INO80D: variants seen among roughly 807,000 people sequenced by gnomAD.
The protein encoded by INO80D is INO80 complex subunit D.
Under a neutral mutation model 87.6 loss-of-function variants are expected in INO80D, and 21 were observed. The observed-to-expected ratio is 0.24, with a 90% confidence interval of 0.17 to 0.35. The LOEUF (loss-of-function observed/expected upper bound fraction) is 0.35, where lower values mean the gene tolerates loss of function less well. Ranked by LOEUF, INO80D falls within the 10% of genes least tolerant of loss-of-function variation. The pLI, the probability that INO80D is intolerant of heterozygous loss-of-function variation, is 1.00. For missense variants in INO80D, 982 were observed against 1,280.7 expected, an observed-to-expected ratio of 0.77 and a Z score of 3.56; for synonymous variants, 440 against 491.0, an observed-to-expected ratio of 0.90 and a Z score of 1.37.
intron 5 of INO80D, among the ~76,000 whole-genome samples, chr2:206,032,960 A>G (rs1409824098): frequency 2.6e-5 from 4 of 152,242 alleles, no homozygotes; most frequent in African/African-American, 9.6e-5. Context: ...AAAGAGCACA[A>G]TGAAAGCAAC....
chr2:206,082,685 G>A (rs1690317012), intron 1 of INO80D, among the ~76,000 whole-genome samples: 1 of 152,194 alleles, frequency 6.6e-6, no homozygotes, highest in African/African-American at 2.4e-5. Flanking sequence ...AAAAGTGTCT[G>A]AGAATATTGC....
chr2:206,072,710 A>C (rs867398162), intron 1 of INO80D, among the ~76,000 whole-genome samples: 4 of 152,316 alleles, frequency 2.6e-5, no homozygotes, highest in Middle Eastern at 3.4e-3. Flanking sequence ...GCTATCATTA[A>C]CCACAAATAT....
chr2:206,056,676 T>G lies in INO80D; in HGVS notation c.486A>C (p.Lys162Asn). Reference protein sequence around the residue: ...AFNEEDDDLKKGATVRKKLQS... With the variant: ...AFNEEDDDLKNGATVRKKLQS... ...GCAACTTCTTTCTCACAGTTGCCCC[T>G]TTCTTTAGGTCATCATCTTCCTCAT... Residue 162 changes from lysine to asparagine, a missense_variant, in exon 4 of 11, where the codon AAA becomes AAC. Lys to Asn is a moderately conservative substitution (Grantham distance 94). Coordinates refer to ENST00000403263, the MANE Select transcript of INO80D (RefSeq NM_017759.5). 4 of 1,613,478 alleles carry G rather than the reference T, an allele frequency of 2.5e-6. No individual in the cohort carries two copies. Among genetic ancestry groups the G allele is most frequent in the Non-Finnish European group, 3.4e-6 (4 of 1,179,696 alleles).
At chr2:206,012,145 G>A (rs960590861) in intron 8 of INO80D, among the ~76,000 whole-genome samples, 2 of 152,128 alleles carry the variant, frequency 1.3e-5, no homozygotes, top group Non-Finnish European at 2.9e-5. Context: ...TAGTCTAAAG[G>A]GCCTGCTCTA....
At chr2:206,074,876 T>A (rs1690068870) in intron 1 of INO80D, among the ~76,000 whole-genome samples, 1 of 151,794 alleles carries the variant, frequency 6.6e-6, no homozygotes, top group Non-Finnish European at 1.5e-5. Context: ...GAGGCAGAGG[T>A]TGCTGTGAGC....
In INO80D at chr2:206,002,616, GC is replaced by G; in HGVS notation, c.*1751del. On this transcript the variant is annotated 3_prime_UTR_variant, in exon 11 of 11. Coordinates refer to ENST00000403263, the MANE Select transcript of INO80D (RefSeq NM_017759.5). ...GGCACGTGGTATCTGCATAATGCCTGCTGATCACCATCATTCCTTTAAAAAG... is the reference window on the plus strand; with the variant it reads ...GGCACGTGGTATCTGCATAATGCCTGTGATCACCATCATTCCTTTAAAAAG... The G allele has an allele frequency of 6.6e-6, 1 of 152,258 alleles. No homozygotes were observed. The highest frequency in any genetic ancestry group is 1.9e-4 in the East Asian group (1 of 5,184). 9.4% of individuals were successfully genotyped at this position (152,258 alleles called of 1,614,324 possible).
chr2:206,030,616 G>A (rs1406024079), intron 5 of INO80D, among the ~76,000 whole-genome samples: 3 of 152,344 alleles, frequency 2.0e-5, no homozygotes, highest in East Asian at 3.9e-4. Flanking sequence ...CAGCAAGAAT[G>A]TAAGTAGCTT....
chr2:206,004,339 C>T lies in INO80D; in HGVS notation c.*29G>A. 1 of 1,550,676 alleles carries T rather than the reference C, an allele frequency of 6.4e-7. No homozygotes were observed. Among genetic ancestry groups the T allele is most frequent in the Non-Finnish European group, 8.8e-7 (1 of 1,142,288 alleles). ...AACAAAGATAGAAAACACTGGGTTC[C>T]CCACCTGCCTGCAAACACACAGACA... On this transcript the variant is annotated 3_prime_UTR_variant, in exon 11 of 11. Coordinates refer to ENST00000403263, the MANE Select transcript of INO80D (RefSeq NM_017759.5). The surrounding 1 kb of genome is among the most constrained non-coding windows in gnomAD (Gnocchi z 4.9).
chr2:206,036,502 T>A (rs1688899499), intron 5 of INO80D, among the ~76,000 whole-genome samples: 1 of 152,162 alleles, frequency 6.6e-6, no homozygotes, highest in East Asian at 1.9e-4. Flanking sequence ...AAACATCCTA[T>A]GTTCTCACTG....
At position 206,071,257 on chromosome 2, in the gene INO80D, CTTTTTTTTTTTTTTTTTTTT is replaced by C. The variant is rs60979396; in HGVS notation, c.-123-8033_-123-8014del. ...TACAGGCATAAGCACCACGCCCGGCCTTTTTTTTTTTTTTTTTTTTTTTTTTTTTTTTTTTTTTTTTTTTT... is the reference window on the plus strand; with the variant it reads ...TACAGGCATAAGCACCACGCCCGGCCTTTTTTTTTTTTTTTTTTTTTTTTT... On this transcript the variant is annotated intron_variant, in intron 1 of 10. Coordinates refer to ENST00000403263, the MANE Select transcript of INO80D (RefSeq NM_017759.5). Among the ~76,000 whole-genome samples the C allele has an allele frequency of 7.3e-5, 6 of 82,010 alleles. 1 individual carries two copies. Among genetic ancestry groups the C allele is most frequent in the South Asian group, 4.4e-4 (1 of 2,280 alleles). The allele number at this position is 82,010 out of a possible 152,430, so 53.8% of individuals were successfully genotyped here.
chr2:206,006,355 G>T (rs2105795803), intron 10 of INO80D, among the ~76,000 whole-genome samples: 1 of 152,208 alleles, frequency 6.6e-6, no homozygotes, highest in East Asian at 1.9e-4. Context: ...TACAGGGTGG[G>T]GTATAAAACT....
chr2:206,071,434 T>C (rs902540705), intron 1 of INO80D, among the ~76,000 whole-genome samples: 7 of 147,020 alleles, frequency 4.8e-5, no homozygotes, highest in African/African-American at 1.8e-4. Context: ...TCAAATCTTT[T>C]ATTGTGGGAA....
At chr2:206,076,412 A>C (rs531001503) in intron 1 of INO80D, among the ~76,000 whole-genome samples, 1 of 152,328 alleles carries the variant, frequency 6.6e-6, no homozygotes, top group African/African-American at 2.4e-5. Flanking sequence ...TAAGAATGTA[A>C]TAAGACACTA....
At chr2:206,059,258 G>A (rs895979421) in intron 3 of INO80D, among the ~76,000 whole-genome samples, 1 of 151,998 alleles carries the variant, frequency 6.6e-6, no homozygotes, top group Admixed American at 6.6e-5. Flanking sequence ...GTGTGCGCCT[G>A]TAATTCCAGC....
At chr2:206,081,310 T>G (rs547664166) in intron 1 of INO80D, among the ~76,000 whole-genome samples, 18 of 152,342 alleles carry the variant, frequency 1.2e-4, no homozygotes, top group African/African-American at 4.3e-4. Context: ...CACACGAAAG[T>G]GTTAAACAGT....
intron 8 of INO80D, among the ~76,000 whole-genome samples, chr2:206,015,298 C>A (rs1367460933): frequency 6.6e-6 from 1 of 152,136 alleles, no homozygotes; most frequent in South Asian, 2.1e-4. Flanking sequence ...CTCCAGGGCA[C>A]GTCAGATGTC....
In INO80D at chr2:205,997,049, AAC is replaced by A. The variant is rs1687822092; in HGVS notation, c.*7317_*7318del. On this transcript the variant is annotated 3_prime_UTR_variant, in exon 11 of 11. Coordinates refer to ENST00000403263, the MANE Select transcript of INO80D (RefSeq NM_017759.5). ...ATGAAGTAAATGATGCTCAAGAGAC[AAC>A]TACAAATTCAGGTATATTATCAGAA... 1 of 152,164 alleles carries A rather than the reference AAC, an allele frequency of 6.6e-6. No individual in the cohort carries two copies. The highest frequency in any genetic ancestry group is 2.4e-5 in the African/African-American group (1 of 41,452). 9.4% of individuals were successfully genotyped at this position (152,164 alleles called of 1,614,324 possible).
chr2:206,083,974 A>G (rs1007940650), intron 1 of INO80D, among the ~76,000 whole-genome samples: 1 of 151,896 alleles, frequency 6.6e-6, no homozygotes, highest in Non-Finnish European at 1.5e-5. Flanking sequence ...TTAACATTTC[A>G]ATGTCAACAC....
intron 1 of INO80D, among the ~76,000 whole-genome samples, chr2:206,067,162 G>A (rs938250643): frequency 2.7e-5 from 4 of 150,378 alleles, no homozygotes; most frequent in Admixed American, 1.3e-4. Flanking sequence ...CAGGAGAATC[G>A]CTTCAACCCA....
Sources: allele counts gnomAD v4.1 joint callset (sites outside exome capture counted in the v4.1 genomes callset), GRCh38; gene constraint gnomAD v4.1.1; non-coding constraint Gnocchi (gnomAD v3.1); transcripts MANE v1.5; gene names NCBI Gene and HGNC (gene_info 2026-07-23, HGNC 2026-07-21).